The following PCDH11X variants were observed in gnomAD, a reference collection of about 807,000 sequenced individuals.
PCDH11X encodes the protein protocadherin-11 X-linked.
In PCDH11X, 18 loss-of-function variants were observed where a neutral mutation model predicts 53.3. The ratio of observed to expected loss-of-function variants is 0.34; its 90% CI spans 0.23 to 0.50. The LOEUF is 0.50. PCDH11X is among the 20% of genes least tolerant of loss of function. The pLI is 0.98. For synonymous variants in PCDH11X, 279 were observed against 393.3 expected, an observed-to-expected ratio of 0.71 and a Z score of 3.44; for missense variants, 570 against 1,032.4, an observed-to-expected ratio of 0.55 and a Z score of 6.14.
chrX:92,391,577 C>A (rs2071129433), intron 9 of PCDH11X, among the ~76,000 whole-genome samples: 1 of 110,949 alleles, frequency 9.0e-6, no homozygotes, highest in South Asian at 3.7e-4. Context: ...AATTTGTTTT[C>A]TAAATTTTTT....
intron 5 of PCDH11X, among the ~76,000 whole-genome samples, chrX:91,849,661 A>G (rs1343183282): frequency 9.0e-6 from 1 of 111,150 alleles, no homozygotes; most frequent in Non-Finnish European, 1.9e-5. Flanking sequence ...TTCAATATAT[A>G]TATCCCAGTG....
chrX:91,872,880 A>G (rs1339082337), intron 5 of PCDH11X, among the ~76,000 whole-genome samples: 2 of 106,820 alleles, frequency 1.9e-5, no homozygotes, highest in Non-Finnish European at 3.9e-5. Context: ...CATTTGGGGT[A>G]GGACTGATGT....
intron 6 of PCDH11X, among the ~76,000 whole-genome samples, chrX:92,100,936 T>A (rs927759081): frequency 9.0e-5 from 10 of 110,999 alleles, no homozygotes; most frequent in Non-Finnish European, 1.7e-4. Context: ...GGTGATGGCC[T>A]GGATACGGTT....
intron 6 of PCDH11X, among the ~76,000 whole-genome samples, chrX:92,021,127 C>T (rs1602696828): frequency 9.0e-6 from 1 of 110,804 alleles, no homozygotes; most frequent in East Asian, 2.9e-4. Context: ...CAGTGTACCT[C>T]TTCTCCAAAT....
intron 6 of PCDH11X, among the ~76,000 whole-genome samples, chrX:92,186,292 T>C (rs895255879): frequency 1.3e-4 from 15 of 111,710 alleles, no homozygotes; most frequent in African/African-American, 4.5e-4. Context: ...TTCTCATTCA[T>C]ATGTGGGAGC....
At chrX:92,530,437 G>A (rs1374414512) in intron 10 of PCDH11X, among the ~76,000 whole-genome samples, 1 of 111,742 alleles carries the variant, frequency 8.9e-6, no homozygotes, top group Non-Finnish European at 1.9e-5. Context: ...TTAATCTATA[G>A]CTGTTAGGCA....
chrX:91,923,332 C>A (rs760387978), intron 6 of PCDH11X, among the ~76,000 whole-genome samples: 54 of 90,673 alleles, frequency 6.0e-4, no homozygotes, highest in African/African-American at 2.2e-3. Context: ...CTGGAAAAGG[C>A]AGACCCACCC....
At chrX:92,501,363 CCTAA>C (rs1349977991) in intron 10 of PCDH11X, among the ~76,000 whole-genome samples, 1 of 111,433 alleles carries the variant, frequency 9.0e-6, no homozygotes, top group Non-Finnish European at 1.9e-5. Flanking sequence ...GGGACTCCTC[CCTAA>C]CTAATTCTCT....
intron 6 of PCDH11X, among the ~76,000 whole-genome samples, chrX:92,121,376 G>A (rs1455154920): frequency 1.8e-5 from 2 of 110,910 alleles, no homozygotes; most frequent in Admixed American, 9.6e-5. Context: ...GGCTGGTCTC[G>A]AACTCCTGAC....
intron 10 of PCDH11X, among the ~76,000 whole-genome samples, chrX:92,542,127 T>C (rs2074769082): frequency 8.9e-6 from 1 of 111,848 alleles, no homozygotes; most frequent in Admixed American, 9.5e-5. Context: ...ATATTTAAGA[T>C]GAAATTTGTA....
chrX:92,488,255 G>T (rs908062079), intron 10 of PCDH11X, among the ~76,000 whole-genome samples: 3 of 110,587 alleles, frequency 2.7e-5, no homozygotes, highest in Non-Finnish European at 5.7e-5. Flanking sequence ...AGTGTCTTGA[G>T]AATTAACAAA....
chrX:92,259,845 G>A (rs191726118), intron 7 of PCDH11X, among the ~76,000 whole-genome samples: 4 of 111,655 alleles, frequency 3.6e-5, no homozygotes, highest in East Asian at 2.8e-4. Context: ...TTCCTTCAAG[G>A]CAGCAGATAC....
chrX:91,859,240 A>G (rs1224097268), intron 5 of PCDH11X, among the ~76,000 whole-genome samples: 1 of 110,532 alleles, frequency 9.0e-6, no homozygotes, highest in Non-Finnish European at 1.9e-5. Flanking sequence ...CTTTTTTTCC[A>G]TATGTTTTCT....
chrX:92,048,277 A>G (rs1278961927), intron 6 of PCDH11X, among the ~76,000 whole-genome samples: 4 of 107,806 alleles, frequency 3.7e-5, no homozygotes, highest in African/African-American at 1.3e-4. Context: ...TCTCTTCCTC[A>G]ACATTTATCT....
At chrX:92,263,012 CAA>C (rs5903000) in intron 7 of PCDH11X, 100 bp from the exon 8 acceptor site, 42,345 of 750,269 alleles carry the variant, frequency 0.056, 17 homozygotes, top group Middle Eastern at 0.069. Flanking sequence ...GCTTTTTTTT[CAA>C]AAAAAAAAAA....
chrX:92,093,461 G>C (rs1439669190), intron 6 of PCDH11X, among the ~76,000 whole-genome samples: 1 of 111,659 alleles, frequency 9.0e-6, no homozygotes, highest in Non-Finnish European at 1.9e-5. Context: ...TACTACATCA[G>C]TGTGAACCAG....
chrX:92,348,715 T>C, intron 8 of PCDH11X, among the ~76,000 whole-genome samples: 1 of 108,594 alleles, frequency 9.2e-6, no homozygotes. Flanking sequence ...TTTGTATTTT[T>C]AGTAGAGACA....
At chrX:91,886,391 G>A (rs915633614) in intron 6 of PCDH11X, among the ~76,000 whole-genome samples, 9 of 110,646 alleles carry the variant, frequency 8.1e-5, no homozygotes, top group African/African-American at 2.0e-4. Flanking sequence ...GAGCTACAGT[G>A]TACTGTATAC....
chrX:92,261,378 C>A (rs2148413317), intron 7 of PCDH11X, among the ~76,000 whole-genome samples: 1 of 111,825 alleles, frequency 8.9e-6, no homozygotes, highest in East Asian at 2.8e-4. Flanking sequence ...GAAATAAATA[C>A]ATTCTGGAGT....
Sources: gnomAD v4.1 joint callset for allele counts (sites outside exome capture counted in the v4.1 genomes callset) on GRCh38, gnomAD v4.1.1 for gene constraint, MANE v1.5 for transcripts, NCBI Gene and HGNC (gene_info 2026-07-23, HGNC 2026-07-21) for gene names.